Variants in WNT7A observed in about 807,000 individuals in gnomAD.
WNT7A encodes the protein protein Wnt-7a.
A neutral mutation model predicts 28.2 loss-of-function variants in WNT7A; 16 were observed. The observed-to-expected ratio is 0.57, with a 90% CI of 0.38 to 0.86. WNT7A has a LOEUF of 0.86. WNT7A is among the 40% of genes least tolerant of loss of function. The probability of loss-of-function intolerance (pLI) is 0.00; values close to 1 mark genes in which losing one functional copy is unlikely to be tolerated. For synonymous variants in WNT7A, 190 were observed against 195.9 expected, an observed-to-expected ratio of 0.97 and a Z score of 0.25; for missense variants, 411 against 489.7, an observed-to-expected ratio of 0.84 and a Z score of 1.52.
chr3:13,853,092 C>T (rs1317731039), intron 3 of WNT7A, among the ~76,000 whole-genome samples: 1 of 80,664 alleles, frequency 1.2e-5, no homozygotes, highest in Non-Finnish European at 2.1e-5. Flanking sequence ...GGGTCTATGA[C>T]TTCTGCCCCA....
chr3:13,856,660 A>G (rs959414874), intron 2 of WNT7A, among the ~76,000 whole-genome samples: 3 of 152,134 alleles, frequency 2.0e-5, no homozygotes, highest in Non-Finnish European at 4.4e-5. Context: ...TTTGCTAAAA[A>G]TACAAAAATT....
intron 2 of WNT7A, 125 bp downstream of exon 2, chr3:13,874,822 G>A: frequency 1.0e-6 from 1 of 990,982 alleles, no homozygotes; most frequent in South Asian, 1.4e-5. Flanking sequence ...CAATGCACCT[G>A]CAGGACCCCA....
chr3:13,864,007 CAG>C (rs1694872993), intron 2 of WNT7A: 3 of 152,162 alleles, frequency 2.0e-5, no homozygotes, highest in Admixed American at 1.3e-4. Flanking sequence ...AGATTGTAGA[CAG>C]AGGAGGGTGG....
intron 3 of WNT7A, among the ~76,000 whole-genome samples, chr3:13,837,363 A>C (rs1694387154): frequency 7.3e-6 from 1 of 136,152 alleles, no homozygotes; most frequent in African/African-American, 2.8e-5. Context: ...CCCCTCTCAC[A>C]TCCCCCTGTC....
In WNT7A at chr3:13,862,726, G is replaced by T. The variant is rs186884913; in HGVS notation, c.299-7923C>A. Among the ~76,000 whole-genome samples, 9 of 152,326 alleles carry T rather than the reference G, an allele frequency of 5.9e-5. No individual in the cohort carries two copies. The East Asian group carries it at 1.7e-3, about 29-fold the overall frequency. On this transcript the variant is annotated intron_variant, in intron 2 of 3. Coordinates refer to ENST00000285018, the MANE Select transcript of WNT7A (RefSeq NM_004625.4). ...CCACAGCTCGGGAAACTGGGGAGGG[G>T]TGTGTGCAAGCCCCAGCCTCTGTCT...
chr3:13,876,172 C>T (rs905060320), intron 1 of WNT7A, among the ~76,000 whole-genome samples: 1 of 152,140 alleles, frequency 6.6e-6, no homozygotes, highest in African/African-American at 2.4e-5. Context: ...CAGGAGGCAT[C>T]TGTGGGAAGA....
intron 3 of WNT7A, among the ~76,000 whole-genome samples, chr3:13,843,579 G>C (rs761129486): frequency 2.0e-5 from 3 of 151,936 alleles, no homozygotes; most frequent in Non-Finnish European, 4.4e-5. Flanking sequence ...GAACACCTCC[G>C]GGGGACTGAG....
At chr3:13,860,101 C>G (rs1210616570) in intron 2 of WNT7A, among the ~76,000 whole-genome samples, 1 of 151,900 alleles carries the variant, frequency 6.6e-6, no homozygotes, top group Non-Finnish European at 1.5e-5. Flanking sequence ...GAGAAGGTAA[C>G]ATTTGTTGGG....
At chr3:13,838,388 G>A (rs1694403386) in intron 3 of WNT7A, among the ~76,000 whole-genome samples, 1 of 152,198 alleles carries the variant, frequency 6.6e-6, no homozygotes, top group East Asian at 1.9e-4. Context: ...ACGGTGTGCG[G>A]AAGGAACTGA....
intron 3 of WNT7A, among the ~76,000 whole-genome samples, chr3:13,827,297 C>T (rs1040408415): frequency 1.3e-5 from 2 of 152,244 alleles, no homozygotes; most frequent in African/African-American, 4.8e-5. Context: ...GGGACTCCTG[C>T]ACCAGGTTGG....
chr3:13,868,830 GA>G (rs1694974401), intron 2 of WNT7A, among the ~76,000 whole-genome samples: 1 of 126,268 alleles, frequency 7.9e-6, no homozygotes, highest in Non-Finnish European at 1.6e-5. Context: ...GAGAGAAAGA[GA>G]GAAAGAGAGA....
intron 3 of WNT7A, among the ~76,000 whole-genome samples, chr3:13,846,757 C>T (rs1694543440): frequency 6.6e-6 from 1 of 152,142 alleles, no homozygotes; most frequent in Non-Finnish European, 1.5e-5. Context: ...AACCACACCA[C>T]CCCCAGTCCT....
Position 13,854,593 on chromosome 3 carries a change from C to T in WNT7A, c.509G>A (p.Arg170Gln), listed in dbSNP as rs1484554095. Residue 170 changes from arginine to glutamine, a missense_variant, in exon 3 of 4, where the codon CGG becomes CAG. Coordinates refer to ENST00000285018, the MANE Select transcript of WNT7A (RefSeq NM_004625.4). ...IGFAKVFVDAREIKQNARTLM... is the reference protein window; with the variant it reads ...IGFAKVFVDAQEIKQNARTLM... ...AGTCCGGGCATTCTGCTTGATCTCCCGGGCATCCACAAAGACCTTGGCGAA... is the reference window on the plus strand; with the variant it reads ...AGTCCGGGCATTCTGCTTGATCTCCTGGGCATCCACAAAGACCTTGGCGAA... 1.9e-5 allele frequency: 30 copies of T among 1,614,032 alleles called. No individual in the cohort carries two copies. Among genetic ancestry groups the T allele is most frequent in the Non-Finnish European group, 2.5e-5 (30 of 1,180,058 alleles).
In WNT7A at chr3:13,819,323, A is replaced by C; in HGVS notation, c.671T>G (p.Leu224Arg). 2 of 1,612,932 alleles carry C rather than the reference A, an allele frequency of 1.2e-6. No individual in the cohort carries two copies. The highest frequency in any genetic ancestry group is 1.7e-6 in the Non-Finnish European group (2 of 1,179,226). ...CWTTLPQFRE[L>R]GYVLKDKYNE... is the part of the protein sequence containing the mutation. ...GTACTTGTCCTTGAGCACGTAGCCCAGCTCCCGAAACTGTGGCAGTGTGGT... is the reference window on the plus strand; with the variant it reads ...GTACTTGTCCTTGAGCACGTAGCCCCGCTCCCGAAACTGTGGCAGTGTGGT... Residue 224 changes from leucine to arginine, a missense_variant, in exon 4 of 4, where the codon CTG (leucine) becomes CGG (arginine). By Grantham distance (102) the Leu-to-Arg change is moderately radical. Coordinates refer to ENST00000285018, the MANE Select transcript of WNT7A (RefSeq NM_004625.4).
chr3:13,856,902 GAAGAAGAAGAA>G (rs1694744359), intron 2 of WNT7A, among the ~76,000 whole-genome samples: 1 of 56,770 alleles, frequency 1.8e-5, no homozygotes, highest in Non-Finnish European at 3.4e-5. Flanking sequence ...AAAAGAAGAA[GAAGAAGAAGAA>G]GAAGAAGAAG....
intron 3 of WNT7A, among the ~76,000 whole-genome samples, chr3:13,826,545 TGAG>T (rs904503495): frequency 6.6e-6 from 1 of 151,958 alleles, no homozygotes; most frequent in Non-Finnish European, 1.5e-5. Context: ...GAGCACATAA[TGAG>T]GACATTTCAG....
At chr3:13,860,336 C>T (rs1240480986) in intron 2 of WNT7A, among the ~76,000 whole-genome samples, 1 of 152,190 alleles carries the variant, frequency 6.6e-6, no homozygotes, top group Non-Finnish European at 1.5e-5. Context: ...TCCTGGCCCA[C>T]CAGTGCATGG....
intron 3 of WNT7A, among the ~76,000 whole-genome samples, chr3:13,821,658 C>A (rs1694111496): frequency 6.6e-6 from 1 of 152,196 alleles, no homozygotes; most frequent in Admixed American, 6.5e-5. Context: ...GGGACAGAAG[C>A]AAGCCAGAAA....
chr3:13,850,296 C>T (rs765751189), intron 3 of WNT7A, among the ~76,000 whole-genome samples: 3 of 152,154 alleles, frequency 2.0e-5, no homozygotes, highest in Non-Finnish European at 4.4e-5. Context: ...AAGTGGCCCT[C>T]GGGACAGCAG....
Sources: gnomAD v4.1 joint callset for allele counts (sites outside exome capture counted in the v4.1 genomes callset) on GRCh38, gnomAD v4.1.1 for gene constraint, MANE v1.5 for transcripts, NCBI Gene and HGNC (gene_info 2026-07-23, HGNC 2026-07-21) for gene names.